Variants in NMNAT2 observed in about 807,000 individuals in gnomAD.
NMNAT2 encodes the protein nicotinamide/nicotinic acid mononucleotide adenylyltransferase 2.
In NMNAT2, 11 loss-of-function variants were observed where a neutral mutation model predicts 41.6. The observed-to-expected ratio is 0.26, with a 90% CI of 0.17 to 0.44. The LOEUF (loss-of-function observed/expected upper bound fraction) is 0.44, where lower values mean the gene tolerates loss of function less well. Ranked by LOEUF, NMNAT2 falls within the 20% of genes least tolerant of loss-of-function variation. The probability of loss-of-function intolerance (pLI) is 1.00; values close to 1 mark genes in which losing one functional copy is unlikely to be tolerated. For missense variants in NMNAT2, 288 were observed against 407.7 expected, an observed-to-expected ratio of 0.71 and a Z score of 2.53; for synonymous variants, 148 against 151.2, an observed-to-expected ratio of 0.98 and a Z score of 0.16.
At chr1:183,329,534 C>T (rs1662536340) in intron 1 of NMNAT2, among the ~76,000 whole-genome samples, 1 of 152,168 alleles carries the variant, frequency 6.6e-6, no homozygotes, top group Non-Finnish European at 1.5e-5. Flanking sequence ...TTAGCAATTT[C>T]TTACTGAGCC....
At chr1:183,260,902 T>A (rs1040965194) in intron 10 of NMNAT2, 100 bp downstream of exon 10, 4 of 871,502 alleles carry the variant, frequency 4.6e-6, no homozygotes, top group Non-Finnish European at 3.9e-6. Flanking sequence ...GGGCAGCAGA[T>A]GTCTGCCTGA....
chr1:183,257,149 TTAAAA>T (rs1033335318), intron 10 of NMNAT2, among the ~76,000 whole-genome samples: 2 of 151,998 alleles, frequency 1.3e-5, no homozygotes, highest in African/African-American at 4.8e-5. Flanking sequence ...TTTGAAGAGT[TTAAAA>T]TGTATAGGCC....
chr1:183,339,246 T>C (rs902957007), intron 1 of NMNAT2, among the ~76,000 whole-genome samples: 7 of 152,098 alleles, frequency 4.6e-5, no homozygotes, highest in South Asian at 2.1e-4. Flanking sequence ...TACAGGTGCC[T>C]GCCACCACGC....
At chr1:183,394,004 A>G (rs1648561307) in intron 1 of NMNAT2, among the ~76,000 whole-genome samples, 1 of 152,230 alleles carries the variant, frequency 6.6e-6, no homozygotes, top group Admixed American at 6.5e-5. Flanking sequence ...ATGGACAATA[A>G]ACAAATAAAT....
chr1:183,262,978 G>T (rs577429668), intron 8 of NMNAT2, among the ~76,000 whole-genome samples: 2 of 152,170 alleles, frequency 1.3e-5, no homozygotes, highest in African/African-American at 4.8e-5. Flanking sequence ...ACTGGGGCAC[G>T]GTGGCCCCTT....
In NMNAT2 at chr1:183,336,604, G is replaced by A. The variant is rs118021854; in HGVS notation, c.86-42811C>T. ...TAGGGAGGAACTGGAATTCTCATAC[G>A]TTGCTGGTAGGATTGTCAAATGGCA... On this transcript the variant is annotated intron_variant, in intron 1 of 10. Transcript: ENST00000287713. 6.2e-4 allele frequency among the ~76,000 whole-genome samples: 95 copies of A among 152,308 alleles called. 1 individual carries two copies. The East Asian group carries it at 0.018, about 28-fold the overall frequency.
intron 1 of NMNAT2, among the ~76,000 whole-genome samples, chr1:183,364,728 G>A (rs879282460): frequency 1.2e-4 from 12 of 103,970 alleles, no homozygotes; most frequent in Admixed American, 9.1e-4. Flanking sequence ...GTCTCACACC[G>A]TCTCCCAGGC....
chr1:183,320,165 G>A (rs1662329723), intron 1 of NMNAT2, among the ~76,000 whole-genome samples: 1 of 152,376 alleles, frequency 6.6e-6, no homozygotes, highest in African/African-American at 2.4e-5. Flanking sequence ...TGGGCTTAGA[G>A]AGAATTGTTA....
chr1:183,371,274 T>C (rs1365979778), intron 1 of NMNAT2, among the ~76,000 whole-genome samples: 1 of 152,068 alleles, frequency 6.6e-6, no homozygotes, highest in Non-Finnish European at 1.5e-5. Context: ...AAGGCAAAAC[T>C]GTGGACACTG....
chr1:183,342,930 T>A (rs1039691684), intron 1 of NMNAT2, among the ~76,000 whole-genome samples: 4 of 146,046 alleles, frequency 2.7e-5, no homozygotes, highest in Non-Finnish European at 6.0e-5. Flanking sequence ...TATTATTATT[T>A]TTGTAGAGAT....
chr1:183,281,025 C>T (rs561223095), intron 7 of NMNAT2, among the ~76,000 whole-genome samples: 98 of 151,290 alleles, frequency 6.5e-4, no homozygotes, highest in Non-Finnish European at 9.7e-4. Context: ...CCTCAGGTGA[C>T]CCGCCAGCCT....
intron 1 of NMNAT2, among the ~76,000 whole-genome samples, chr1:183,417,659 C>A (rs1430540987): frequency 6.6e-6 from 1 of 152,226 alleles, no homozygotes; most frequent in Admixed American, 6.5e-5. Flanking sequence ...CCAGCCAAAT[C>A]CGAAATTAAT....
chr1:183,346,165 T>A (rs1341592449), intron 1 of NMNAT2, among the ~76,000 whole-genome samples: 1 of 152,172 alleles, frequency 6.6e-6, no homozygotes, highest in African/African-American at 2.4e-5. Context: ...TGTTTATTAG[T>A]AGTCCATCTC....
intron 1 of NMNAT2, among the ~76,000 whole-genome samples, chr1:183,369,172 G>T (rs1663475609): frequency 6.6e-6 from 1 of 151,864 alleles, no homozygotes. Context: ...ACATGGGCCA[G>T]GTTCAGTCTT....
At chr1:183,341,523 CAAAA>C (rs33955752) in intron 1 of NMNAT2, among the ~76,000 whole-genome samples, 8 of 81,350 alleles carry the variant, frequency 9.8e-5, no homozygotes, top group Admixed American at 4.5e-4. Context: ...ACAAAAAATG[CAAAA>C]AAAAAAAAAA....
intron 1 of NMNAT2, among the ~76,000 whole-genome samples, chr1:183,333,378 G>A (rs1037229967): frequency 6.6e-6 from 1 of 152,132 alleles, no homozygotes; most frequent in African/African-American, 2.4e-5. Context: ...ATGGCAGAAG[G>A]GACTTTACAG....
Position 183,251,932 on chromosome 1 carries a change from C to CGT in NMNAT2, c.*707_*708dup, listed in dbSNP as rs145546780. The CGT allele has an allele frequency of 0.036, 5,575 of 155,418 alleles. 341 individuals carry two copies. Among genetic ancestry groups the CGT allele is most frequent in the African/African-American group, 0.13 (5,180 of 41,258 alleles). The allele number at this position is 155,418 out of a possible 1,614,324, so 9.6% of individuals were successfully genotyped here. On this transcript the variant is annotated 3_prime_UTR_variant, in exon 11 of 11. Transcript: ENST00000287713. ...GTGCGCGGGTGCACACGCATGTGTG[C>CGT]GTGTGTGTGTGTGTGCGTGTGTGTG...
chr1:183,297,984 C>A (rs778263414), intron 1 of NMNAT2, among the ~76,000 whole-genome samples: 2 of 152,112 alleles, frequency 1.3e-5, no homozygotes, highest in African/African-American at 2.4e-5. Flanking sequence ...GCAGAAAAAG[C>A]GTTTGACAAA....
chr1:183,342,115 G>T (rs1030536777), intron 1 of NMNAT2, among the ~76,000 whole-genome samples: 2 of 150,402 alleles, frequency 1.3e-5, no homozygotes, highest in Admixed American at 6.7e-5. Flanking sequence ...CAGTGTCTCT[G>T]AGTGAGAAAC....
Sources: gnomAD v4.1 joint callset for allele counts (sites outside exome capture counted in the v4.1 genomes callset) on GRCh38, gnomAD v4.1.1 for gene constraint, MANE v1.5 for transcripts, NCBI Gene and HGNC (gene_info 2026-07-23, HGNC 2026-07-21) for gene names.